Variants in KCTD3 observed in about 807,000 individuals in gnomAD.
KCTD3 encodes BTB/POZ domain-containing protein KCTD3.
A neutral mutation model predicts 85.8 loss-of-function variants in KCTD3; 41 were observed. The observed-to-expected ratio is 0.48, with a 90% CI of 0.37 to 0.62. The LOEUF (loss-of-function observed/expected upper bound fraction) is 0.62. Among genes scored for constraint, KCTD3 ranks in the 20% least tolerant of loss-of-function variants. The probability of loss-of-function intolerance (pLI) is 0.00; values close to 1 mark genes in which losing one functional copy is unlikely to be tolerated. For missense variants in KCTD3, 724 were observed against 989.9 expected, an observed-to-expected ratio of 0.73 and a Z score of 3.60; for synonymous variants, 338 against 345.4, an observed-to-expected ratio of 0.98 and a Z score of 0.24.
At chr1:215,616,709 G>A (rs979346592) in intron 15 of KCTD3, among the ~76,000 whole-genome samples, 8 of 152,126 alleles carry the variant, frequency 5.3e-5, no homozygotes, top group Non-Finnish European at 1.2e-4. Context: ...GCAGTGAGCC[G>A]AGATCACGCC....
chr1:215,596,939 A>G (rs1340073849), intron 10 of KCTD3, among the ~76,000 whole-genome samples: 2 of 152,164 alleles, frequency 1.3e-5, no homozygotes, highest in Non-Finnish European at 2.9e-5. Flanking sequence ...TTGACCCAAC[A>G]GGGAGTAGAG....
At chr1:215,615,340 G>T (rs1160083996) in intron 15 of KCTD3, among the ~76,000 whole-genome samples, 3 of 152,158 alleles carry the variant, frequency 2.0e-5, no homozygotes, top group Admixed American at 6.6e-5. Flanking sequence ...ATCTATCCCG[G>T]CCGGGCGTGG....
intron 14 of KCTD3, 39 bp from the exon 15 acceptor site, chr1:215,611,786 T>A: frequency 7.5e-7 from 1 of 1,324,740 alleles, no homozygotes. Context: ...AAAAATAAAA[T>A]TTTAATTAAT....
chr1:215,584,404 A>G (rs1010672661), intron 8 of KCTD3, among the ~76,000 whole-genome samples: 1 of 152,222 alleles, frequency 6.6e-6, no homozygotes, highest in African/African-American at 2.4e-5. Flanking sequence ...ATTAGTTCCT[A>G]TATAGGCTCT....
Position 215,567,764 on chromosome 1 carries a change from A to G in KCTD3, c.79A>G (p.Thr27Ala). The G allele has an allele frequency of 8.0e-7, 1 of 1,244,130 alleles. No homozygotes were observed. The highest frequency in any genetic ancestry group is 3.2e-5 in the East Asian group (1 of 31,674). The allele number at this position is 1,244,130 out of a possible 1,614,324, so 77.1% of individuals were successfully genotyped here. The change falls in exon 1 of 18, where the codon ACC (threonine) becomes GCC (alanine). Residue 27 changes from threonine (T) to alanine (A), a missense_variant. Transcript: ENST00000259154. ...GATCGTCCAACTGAACGTAGGGGGG[A>G]CCAGGTGAGTCGGCGGGTAGCGGGC... ...GEIVQLNVGG[T>A]RFSTSRQTLM...
intron 12 of KCTD3, among the ~76,000 whole-genome samples, chr1:215,602,652 T>A (rs746741770): frequency 1.3e-5 from 2 of 152,158 alleles, no homozygotes; most frequent in African/African-American, 4.8e-5. Context: ...TAACTTTCAG[T>A]GCATTTTAGA....
Position 215,615,444 on chromosome 1 carries a change from C to A in KCTD3, c.1563-3442C>A, listed in dbSNP as rs572337060. ...GACCATCCTGGCTAACACGGTGAAA[C>A]CCTGTCTCTACTAAAAATACCAAAA... On this transcript the variant is annotated intron_variant, in intron 15 of 17. Transcript: ENST00000259154. Among the ~76,000 whole-genome samples, 24 of 152,036 alleles carry A rather than the reference C, an allele frequency of 1.6e-4. No individual in the cohort carries two copies. In the South Asian group the frequency reaches 4.8e-3, roughly 30 times the overall value.
At chr1:215,576,038 A>G in intron 4 of KCTD3, 64 bp downstream of exon 4, 1 of 886,256 alleles carries the variant, frequency 1.1e-6, no homozygotes, top group Non-Finnish European at 1.8e-6. Context: ...AATATGTTTT[A>G]TGAAATAAAA....
chr1:215,599,295 A>G (rs1341272486), intron 10 of KCTD3, among the ~76,000 whole-genome samples: 7 of 152,210 alleles, frequency 4.6e-5, no homozygotes, highest in Non-Finnish European at 8.8e-5. Context: ...TGATTAGGAA[A>G]GATGTTGGTA....
chr1:215,591,648 C>G (rs1051356014), intron 9 of KCTD3, among the ~76,000 whole-genome samples: 2 of 152,108 alleles, frequency 1.3e-5, no homozygotes, highest in African/African-American at 4.8e-5. Flanking sequence ...GCCACCGCGC[C>G]CGGCCAGCAG....
Position 215,595,452 on chromosome 1 carries a change from C to A in KCTD3, c.914C>A (p.Ala305Asp). Residue 305 changes from alanine (A) to aspartate (D), a missense_variant, in exon 10 of 18, where the codon GCT becomes GAT. Physicochemically the swap from Ala to Asp is moderately radical, Grantham distance 126. Transcript: ENST00000259154. ...ACAGGGAAAGTGGGAGTGTGGAATG[C>A]TGTCACTCAGCACTGGCAGGTTAGT... ...SHTGKVGVWN[A>D]VTQHWQVQDV... is the part of the protein sequence containing the mutation. 6.2e-7 allele frequency: 1 copy of A among 1,608,252 alleles called. No homozygotes were observed. Among genetic ancestry groups the A allele is most frequent in the Non-Finnish European group, 8.5e-7 (1 of 1,174,792 alleles).
chr1:215,608,830 C>G (rs1655132461), intron 14 of KCTD3, among the ~76,000 whole-genome samples: 1 of 151,952 alleles, frequency 6.6e-6, no homozygotes, highest in Non-Finnish European at 1.5e-5. Flanking sequence ...CTACCACAGC[C>G]TTACTATTTT....
chr1:215,576,261 G>T (rs1659576188), intron 4 of KCTD3, among the ~76,000 whole-genome samples: 1 of 151,754 alleles, frequency 6.6e-6, no homozygotes, highest in Non-Finnish European at 1.5e-5. Flanking sequence ...TAGAGAAGGG[G>T]TTTCACTGTG....
chr1:215,568,192 G>T (rs911765474), intron 1 of KCTD3, among the ~76,000 whole-genome samples: 2 of 152,166 alleles, frequency 1.3e-5, no homozygotes, highest in African/African-American at 2.4e-5. Flanking sequence ...GGTCAACGAG[G>T]TGTCGGTTTT....
At chr1:215,619,900 T>C (rs1434588572) in intron 17 of KCTD3, among the ~76,000 whole-genome samples, 157 bp from the exon 18 acceptor site, 2 of 152,180 alleles carry the variant, frequency 1.3e-5, no homozygotes, top group African/African-American at 4.8e-5. Context: ...ATCTATATAA[T>C]AAAGAGTACT....
At chr1:215,578,127 A>G in intron 6 of KCTD3, 46 bp downstream of exon 6, 1 of 1,477,210 alleles carries the variant, frequency 6.8e-7, no homozygotes, top group East Asian at 2.3e-5. Context: ...TTGTATCATT[A>G]AGCAAGTACA....
At chr1:215,583,423 C>T (rs748754848) in intron 8 of KCTD3, among the ~76,000 whole-genome samples, 1 of 152,146 alleles carries the variant, frequency 6.6e-6, no homozygotes, top group Non-Finnish European at 1.5e-5. Context: ...TTATAATTAG[C>T]GTATAATGAG....
chr1:215,604,494 C>G (rs1357332336), intron 13 of KCTD3, among the ~76,000 whole-genome samples, 192 bp downstream of exon 13: 1 of 151,968 alleles, frequency 6.6e-6, no homozygotes, highest in Non-Finnish European at 1.5e-5. Flanking sequence ...CCTATAAATC[C>G]TAGCAGTTTA....
At chr1:215,576,219 C>G (rs1659573893) in intron 4 of KCTD3, among the ~76,000 whole-genome samples, 1 of 151,822 alleles carries the variant, frequency 6.6e-6, no homozygotes, top group African/African-American at 2.4e-5. Flanking sequence ...TAGGCACATG[C>G]CACCATGCCC....
Sources: gnomAD v4.1 joint callset for allele counts (sites outside exome capture counted in the v4.1 genomes callset) on GRCh38, gnomAD v4.1.1 for gene constraint, MANE v1.5 for transcripts, NCBI Gene and HGNC (gene_info 2026-07-23, HGNC 2026-07-21) for gene names.